The following C3 variants were observed in gnomAD, a reference collection of about 807,000 sequenced individuals.
The protein encoded by C3 is C3 and PZP-like alpha-2-macroglobulin domain-containing protein 1.
A neutral mutation model predicts 207.9 loss-of-function variants in C3; 97 were observed. The ratio of observed to expected loss-of-function variants is 0.47; its 90% CI spans 0.40 to 0.55. C3 has a LOEUF of 0.55. Ranked by LOEUF, C3 falls within the 20% of genes least tolerant of loss-of-function variation. C3 has a pLI of 0.00. For synonymous variants in C3, 848 were observed against 857.6 expected, an observed-to-expected ratio of 0.99 and a Z score of 0.20; for missense variants, 1,684 against 2,171.7, an observed-to-expected ratio of 0.78 and a Z score of 4.46.
intron 4 of C3, among the ~76,000 whole-genome samples, chr19:6,715,402 G>A (rs577118023): frequency 1.7e-4 from 26 of 152,220 alleles, no homozygotes; most frequent in Admixed American, 7.2e-4. Context: ...CTTGGGCCCA[G>A]GAGGTCAATG....
intron 27 of C3, 116 bp from the exon 28 acceptor site, chr19:6,687,018 T>G (rs1918026675): frequency 1.1e-5 from 12 of 1,090,290 alleles, no homozygotes; most frequent in Non-Finnish European, 1.7e-5. Context: ...GACACACCTG[T>G]CTTAGATTTG....
intron 9 of C3, among the ~76,000 whole-genome samples, 157 bp downstream of exon 9, chr19:6,713,032 C>T (rs909043671): frequency 3.9e-5 from 6 of 152,124 alleles, no homozygotes; most frequent in East Asian, 1.9e-4. Flanking sequence ...TCTTCATACT[C>T]GGCCTCCCCT....
At position 6,707,879 on chromosome 19, in the gene C3, C is replaced by G. The variant is rs780024350; in HGVS notation, c.1896G>C (p.Gly632=). Reference sequence around the variant, plus strand: ...CGGAGAAGACACCGGCGTAATCCTTCCCACTGCCCGGGGTGCAGCCGATGT... The same window carrying G: ...CGGAGAAGACACCGGCGTAATCCTTGCCACTGCCCGGGGTGCAGCCGATGT... The part of the protein sequence containing the change: ...KADIGCTPGS[G]KDYAGVFSDA... The change falls in exon 15 of 41, where the codon GGG becomes GGC. Residue 632 remains glycine, a synonymous_variant. Transcript: ENST00000245907. 5.0e-6 allele frequency: 8 copies of G among 1,614,004 alleles called. No individual in the cohort carries two copies. The South Asian group carries it at 7.7e-5, about 16-fold the overall frequency.
intron 19 of C3, among the ~76,000 whole-genome samples, chr19:6,700,169 ATAT>A (rs1426041977): frequency 2.0e-4 from 29 of 141,514 alleles, no homozygotes; most frequent in Admixed American, 8.0e-4. Flanking sequence ...ATTATAATAC[ATAT>A]TATATGTTTA....
At chr19:6,693,560 C>G (rs11085194) in intron 24 of C3, 73 bp from the exon 25 acceptor site, 184 of 1,245,954 alleles carry the variant, frequency 1.5e-4, no homozygotes, top group East Asian at 8.5e-4. Context: ...AGGGCAGGGG[C>G]GGGGTGCAGA....
chr19:6,682,275 G>T, intron 33 of C3, 46 bp from the exon 34 acceptor site: 2 of 1,460,046 alleles, frequency 1.4e-6, no homozygotes, highest in Non-Finnish European at 1.9e-6. Flanking sequence ...GGAGGGGTCA[G>T]CCCCAAGGGT....
intron 14 of C3, 62 bp downstream of exon 14, chr19:6,709,622 T>TC: frequency 2.3e-5 from 10 of 433,680 alleles, no homozygotes; most frequent in South Asian, 6.5e-5. Flanking sequence ...CCCACCCACC[T>TC]CCCCCAGCCC....
chr19:6,715,633 T>TTG (rs199717870), intron 4 of C3, among the ~76,000 whole-genome samples: 4,669 of 150,650 alleles, frequency 0.031, 121 homozygotes, highest in Middle Eastern at 0.068. Flanking sequence ...TTTTTGTTTT[T>TTG]TTTTTTGAGA....
At chr19:6,682,431 C>A in intron 33 of C3, 1 of 579,604 alleles carries the variant, frequency 1.7e-6, no homozygotes. Flanking sequence ...ATTAAGAGCT[C>A]AGACTCTGCA....
chr19:6,680,417 T>C (rs1917831010), intron 35 of C3, among the ~76,000 whole-genome samples, 154 bp from the exon 36 acceptor site: 1 of 152,220 alleles, frequency 6.6e-6, no homozygotes, highest in Non-Finnish European at 1.5e-5. Context: ...CTTTTCTTCC[T>C]AGACTCACAG....
intron 13 of C3, among the ~76,000 whole-genome samples, 176 bp downstream of exon 13, chr19:6,710,451 GAAAGAGAGATAA>G (rs1305347563): frequency 6.8e-5 from 9 of 132,906 alleles, no homozygotes; most frequent in Admixed American, 7.3e-5. Context: ...TAGAGAGAGG[GAAAGAGAGATAA>G]AAAGAGAGAC....
chr19:6,714,030 G>T lies in C3; in HGVS notation c.735C>A (p.Ile245=). The T allele has an allele frequency of 6.2e-7, 1 of 1,611,046 alleles. No homozygotes were observed. Among genetic ancestry groups the T allele is most frequent in the Non-Finnish European group, 8.5e-7 (1 of 1,179,238 alleles). The change falls in exon 7 of 41, where the codon ATC becomes ATA. Residue 245 remains isoleucine, a synonymous_variant. Coordinates refer to ENST00000245907, the MANE Select transcript of C3 (RefSeq NM_000064.4). Reference sequence around the variant, plus strand: ...TGACCTCCAGGCCCTTCTCGTTATAGATGTAGTAGAATTTCTCTGTAGGCT... The same window carrying T: ...TGACCTCCAGGCCCTTCTCGTTATATATGTAGTAGAATTTCTCTGTAGGCT... ...IVEPTEKFYY[I]YNEKGLEVTI...
intron 26 of C3, 118 bp downstream of exon 26, chr19:6,692,806 C>G: frequency 3.9e-6 from 5 of 1,293,138 alleles, no homozygotes; most frequent in Non-Finnish European, 5.5e-6. Context: ...CCCCCCAGCC[C>G]AATCTTTGCA....
rs757774081 is a variant in C3, at chr19:6,677,924, G to T, written c.4950C>A (p.Gly1650=). The T allele has an allele frequency of 6.2e-7, 1 of 1,606,690 alleles. No homozygotes were observed. Among genetic ancestry groups the T allele is most frequent in the South Asian group, 1.1e-5 (1 of 90,662 alleles). ...EENQKQCQDL[G]AFTESMVVFG... ...AGACAACCATGCTCTCGGTGAAGGC[G>T]CCGAGGTCCTGGCATTGTTTCTGGT... is the stretch of plus-strand genomic sequence containing the variant. The change falls in exon 41 of 41, where the codon GGC becomes GGA. Residue 1650 remains glycine, a synonymous_variant. Transcript: ENST00000245907.
intron 33 of C3, chr19:6,684,102 A>C (rs184607219): frequency 2.8e-4 from 119 of 432,376 alleles, no homozygotes; most frequent in African/African-American, 2.0e-3. Flanking sequence ...CTATCTCTCT[A>C]AAAAGAAAAA....
intron 17 of C3, among the ~76,000 whole-genome samples, chr19:6,705,142 A>AC (rs1738967933): frequency 6.6e-6 from 1 of 151,984 alleles, no homozygotes; most frequent in Non-Finnish European, 1.5e-5. Flanking sequence ...TCTTTTTCTG[A>AC]CCCCCAATGG....
chr19:6,710,081 G>C (rs896483488), intron 13 of C3, among the ~76,000 whole-genome samples: 1 of 147,984 alleles, frequency 6.8e-6, no homozygotes, highest in African/African-American at 2.5e-5. Flanking sequence ...CAGGGAGAGA[G>C]GGAGAGAGAC....
chr19:6,708,592 ATTC>A (rs1967837845), intron 14 of C3, among the ~76,000 whole-genome samples: 1 of 104,042 alleles, frequency 9.6e-6, no homozygotes, highest in South Asian at 2.9e-4. Context: ...TCCTTCCTTC[ATTC>A]TTCACTCCCT....
intron 34 of C3, 39 bp from the exon 35 acceptor site, chr19:6,682,069 C>A: frequency 6.2e-7 from 1 of 1,602,506 alleles, no homozygotes; most frequent in Non-Finnish European, 8.6e-7. Flanking sequence ...CCCTCCTGGA[C>A]CCCTCTCTCC....
Sources: allele counts gnomAD v4.1 joint callset (sites outside exome capture counted in the v4.1 genomes callset), GRCh38; gene constraint gnomAD v4.1.1; transcripts MANE v1.5; gene names NCBI Gene and HGNC (gene_info 2026-07-23, HGNC 2026-07-21).